Variants in FUBP3 observed in about 807,000 individuals in gnomAD.
The protein encoded by FUBP3 is far upstream element binding protein 3, also known as far upstream element-binding protein 3.
In FUBP3, 28 loss-of-function variants were observed where a neutral mutation model predicts 85.6. The observed-to-expected ratio is 0.33, with a 90% confidence interval of 0.24 to 0.45. FUBP3 has a LOEUF of 0.45. Ranked by LOEUF, FUBP3 falls within the 20% of genes least tolerant of loss-of-function variation. The pLI, the probability that FUBP3 is intolerant of heterozygous loss-of-function variation, is 1.00. For synonymous variants in FUBP3, 271 were observed against 271.4 expected (o/e 1.00, Z 0.01); for missense variants, 583 against 755.1 (o/e 0.77, Z 2.67).
intron 2 of FUBP3, 119 bp downstream of exon 2, chr9:130,595,707 T>C (rs1830836864): frequency 1.4e-6 from 1 of 716,570 alleles, no homozygotes; most frequent in Non-Finnish European, 2.6e-6. Flanking sequence ...GAAGAAAGGT[T>C]GAAGGGAAGT....
chr9:130,636,432 T>C (rs1353214952), intron 18 of FUBP3, among the ~76,000 whole-genome samples: 1 of 152,234 alleles, frequency 6.6e-6, no homozygotes, highest in East Asian at 1.9e-4. Flanking sequence ...TCTCTCTTCC[T>C]CTAAGCCTCA....
chr9:130,625,077 C>T lies in FUBP3; in HGVS notation c.976-1287C>T, dbSNP rs370489013. Among the ~76,000 whole-genome samples, 27 of 152,274 alleles carry T rather than the reference C, an allele frequency of 1.8e-4. No individual in the cohort carries two copies. In the East Asian group the frequency reaches 4.6e-3, roughly 26 times the overall value. ...ATACAAAATTAGCCGGGCGTGGTGG[C>T]GCATGCCTATAGTTTCAGCTACTCA... On this transcript the variant is annotated intron_variant, in intron 11 of 18. Transcript: ENST00000319725.
chr9:130,579,994 G>A (rs940733105), intron 1 of FUBP3, among the ~76,000 whole-genome samples: 1 of 152,384 alleles, frequency 6.6e-6, no homozygotes, highest in Admixed American at 6.5e-5. Context: ...AAGTCGCTGG[G>A]AAAGGGTTTG....
At position 130,617,912 on chromosome 9, in the gene FUBP3, G is replaced by T. The variant is rs1209085797; in HGVS notation, c.666+17G>T. On this transcript the variant is annotated intron_variant, in intron 8 of 18. Transcript: ENST00000319725. ...AAAGTACAGGTAGGAAAGTGCCATGGGTTGGGTGAGTCCTGGCTGTTGGGG... is the reference window on the plus strand; with the variant it reads ...AAAGTACAGGTAGGAAAGTGCCATGTGTTGGGTGAGTCCTGGCTGTTGGGG... 1 of 1,261,490 alleles carries T rather than the reference G, an allele frequency of 7.9e-7. No individual in the cohort carries two copies. Among genetic ancestry groups the T allele is most frequent in the Non-Finnish European group, 1.2e-6 (1 of 865,352 alleles). The allele number at this position is 1,261,490 out of a possible 1,614,324, so 78.1% of individuals were successfully genotyped here. A position where few individuals can be genotyped will look rare whatever the true frequency, so the allele number is the denominator to read the frequency against.
At chr9:130,631,871 G>C in intron 14 of FUBP3, 71 bp from the exon 15 acceptor site, 1 of 1,172,528 alleles carries the variant, frequency 8.5e-7, no homozygotes. Flanking sequence ...TCAGTGCCCT[G>C]GGGCTGCGGG....
chr9:130,636,661 A>T (rs1003946980), intron 18 of FUBP3, among the ~76,000 whole-genome samples: 4 of 152,122 alleles, frequency 2.6e-5, no homozygotes, highest in African/African-American at 9.7e-5. Flanking sequence ...AGACGTCCAA[A>T]TGTTCCCACA....
In FUBP3 at chr9:130,616,628, C is replaced by A; in HGVS notation, c.567+111C>A. 1.0e-6 allele frequency: 1 copy of A among 995,886 alleles called. No individual in the cohort carries two copies. Among genetic ancestry groups the A allele is most frequent in the Non-Finnish European group, 1.5e-6 (1 of 658,542 alleles). The allele number at this position is 995,886 out of a possible 1,614,324, so 61.7% of individuals were successfully genotyped here. On this transcript the variant is annotated intron_variant, in intron 7 of 18. Transcript: ENST00000319725. This position sits in a 1 kb window ranked among gnomAD's most constrained non-coding sequence, Gnocchi z 4.7. ...ATTCCCTGGCTGGGCTGGCTTTGTG[C>A]AGCATTGTGCTGAGGCTTCCTTCCT...
In FUBP3 at chr9:130,623,691, G is replaced by A. The variant is rs747392214; in HGVS notation, c.955G>A (p.Glu319Lys). 5 of 1,612,638 alleles carry A rather than the reference G, an allele frequency of 3.1e-6. No homozygotes were observed. In the South Asian group the frequency reaches 3.3e-5, roughly 11 times the overall value. ...TCAGCATGCAGCGCATATCATCAGC[G>A]AGCTGATTCTTACAGCCCAGGTGGG... ...RCQHAAHIIS[E>K]LILTAQERDG... The change falls in exon 11 of 19, where the codon GAG (glutamate) becomes AAG (lysine). Residue 319 changes from glutamate (E) to lysine (K), a missense_variant. Glu to Lys is a moderately conservative substitution (Grantham distance 56, BLOSUM62 1). Transcript: ENST00000319725.
chr9:130,589,689 ATATATATATATATATATTTTT>A (rs1237192555), intron 1 of FUBP3, among the ~76,000 whole-genome samples: 1 of 28,508 alleles, frequency 3.5e-5, no homozygotes, highest in Non-Finnish European at 6.4e-5. Context: ...ATATATATAT[ATATATATATATATATATTTTT>A]TTTTTTTTTT....
chr9:130,586,398 C>G (rs1315178661), intron 1 of FUBP3, among the ~76,000 whole-genome samples: 1 of 152,146 alleles, frequency 6.6e-6, no homozygotes, highest in Non-Finnish European at 1.5e-5. Context: ...TTAATTCTCT[C>G]TCTCTCTTTT....
chr9:130,594,770 A>G (rs982654551), intron 1 of FUBP3, among the ~76,000 whole-genome samples: 3 of 151,994 alleles, frequency 2.0e-5, no homozygotes, highest in African/African-American at 7.3e-5. Context: ...ACATTTGAGC[A>G]CATGAGGCCT....
At position 130,637,684 on chromosome 9, in the gene FUBP3, G is replaced by A. The variant is rs1391853075; in HGVS notation, c.*662G>A. On this transcript the variant is annotated 3_prime_UTR_variant, in exon 19 of 19. Transcript: ENST00000319725. ...AAAGGGGTAATATAAAAATGTGCTC[G>A]TGTGTTTAGCCTACGTTTTTCTCAT... 1.3e-5 allele frequency: 2 copies of A among 152,358 alleles called. No homozygotes were observed. Among genetic ancestry groups the A allele is most frequent in the African/African-American group, 2.4e-5 (1 of 41,406 alleles). 9.4% of individuals were successfully genotyped at this position (152,358 alleles called of 1,614,324 possible). A position where few individuals can be genotyped will look rare whatever the true frequency, so the allele number is the denominator to read the frequency against.
intron 3 of FUBP3, among the ~76,000 whole-genome samples, chr9:130,610,724 A>C (rs930537642): frequency 6.6e-5 from 10 of 152,164 alleles, no homozygotes; most frequent in Admixed American, 6.5e-4. Flanking sequence ...CATATCCTTA[A>C]CCTTCTATCA....
At chr9:130,628,084 ACG>A (rs1491503151) in intron 12 of FUBP3, among the ~76,000 whole-genome samples, 131 of 126,610 alleles carry the variant, frequency 1.0e-3, no homozygotes, top group African/African-American at 3.7e-3. Context: ...CACTAAACAC[ACG>A]CACGCACGCA....
At chr9:130,590,598 A>G (rs1048961870) in intron 1 of FUBP3, among the ~76,000 whole-genome samples, 1 of 152,220 alleles carries the variant, frequency 6.6e-6, no homozygotes, top group African/African-American at 2.4e-5. Context: ...TTTGTGGACC[A>G]TCCTGGCTTT....
At chr9:130,601,450 C>G (rs1039860877) in intron 2 of FUBP3, among the ~76,000 whole-genome samples, 4 of 152,142 alleles carry the variant, frequency 2.6e-5, no homozygotes, top group African/African-American at 9.7e-5. Flanking sequence ...CTCATACTCC[C>G]CCTGCATTCT....
intron 1 of FUBP3, among the ~76,000 whole-genome samples, chr9:130,589,703 A>ATATTTT (rs1445431788): frequency 3.5e-5 from 1 of 28,606 alleles, no homozygotes; most frequent in African/African-American, 2.0e-4. Flanking sequence ...ATATATATAT[A>ATATTTT]TATTTTTTTT....
chr9:130,620,130 A>T (rs1173905877), intron 8 of FUBP3, among the ~76,000 whole-genome samples: 1 of 152,222 alleles, frequency 6.6e-6, no homozygotes, highest in Non-Finnish European at 1.5e-5. Flanking sequence ...TTTTTATAGA[A>T]GGTGGACCCT....
intron 1 of FUBP3, among the ~76,000 whole-genome samples, chr9:130,589,707 T>TATATATA (rs1564191128): frequency 4.2e-4 from 23 of 55,120 alleles, no homozygotes; most frequent in South Asian, 2.8e-3. Flanking sequence ...ATATATATAT[T>TATATATA]TTTTTTTTTT....
Sources: gnomAD v4.1 joint callset for allele counts (sites outside exome capture counted in the v4.1 genomes callset) on GRCh38, gnomAD v4.1.1 for gene constraint, Gnocchi (gnomAD v3.1) non-coding constraint, MANE v1.5 for transcripts, NCBI Gene and HGNC (gene_info 2026-07-23, HGNC 2026-07-21) for gene names.